Variants in POLE4 observed in about 807,000 individuals in gnomAD.
POLE4 encodes DNA polymerase epsilon subunit 4.
Under a neutral mutation model 15.6 loss-of-function variants are expected in POLE4, and 15 were observed. The observed-to-expected ratio is 0.96, with a 90% confidence interval of 0.64 to 1.48. The LOEUF is 1.48. POLE4 is among the 40% of genes most tolerant of loss of function. The pLI is 0.00. For synonymous variants in POLE4, 83 were observed against 63.2 expected (o/e 1.31, Z -1.49); for missense variants, 205 against 151.9 (o/e 1.35, Z -1.84).
chr2:74,962,870 GT>G (rs1436733601), intron 3 of POLE4, among the ~76,000 whole-genome samples: 1 of 151,976 alleles, frequency 6.6e-6, no homozygotes, highest in Non-Finnish European at 1.5e-5. Flanking sequence ...GTTTAGTTTT[GT>G]TTTGTTGAAC....
rs1671164452 is a variant in POLE4, at chr2:74,958,795, C to G, written c.116C>G (p.Ser39Trp). ...APTSVPGARL[S>W]RLPLARVKAL... ...ACGAGTGTGCCTGGGGCTCGTCTCTCGAGGTTGCCTCTGGCGCGAGTGAAG... is the reference window on the plus strand; with the variant it reads ...ACGAGTGTGCCTGGGGCTCGTCTCTGGAGGTTGCCTCTGGCGCGAGTGAAG... Residue 39 changes from serine (S) to tryptophan (W), a missense_variant, in exon 1 of 4, where the codon TCG (serine) becomes TGG (tryptophan). Physicochemically the swap from Ser to Trp is radical, Grantham distance 177. Coordinates refer to ENST00000483063, the MANE Select transcript of POLE4 (RefSeq NM_019896.4). 8 of 1,552,694 alleles carry G rather than the reference C, an allele frequency of 5.2e-6. No individual in the cohort carries two copies. Among genetic ancestry groups the G allele is most frequent in the African/African-American group, 1.4e-5 (1 of 73,186 alleles).
At chr2:74,961,204 A>G (rs1220434663) in intron 3 of POLE4, 3 of 152,172 alleles carry the variant, frequency 2.0e-5, no homozygotes, top group African/African-American at 7.2e-5. Context: ...AAGCCTTATT[A>G]CCTTTAGAAA....
chr2:74,965,308 G>A (rs995599323), intron 3 of POLE4, among the ~76,000 whole-genome samples: 10 of 151,912 alleles, frequency 6.6e-5, no homozygotes, highest in African/African-American at 2.4e-4. Flanking sequence ...GGTCAGGCTG[G>A]TCTTGAACTC....
chr2:74,963,642 C>T (rs1340412415), intron 3 of POLE4, among the ~76,000 whole-genome samples: 1 of 152,046 alleles, frequency 6.6e-6, no homozygotes, highest in Non-Finnish European at 1.5e-5. Context: ...CGTGTACCAC[C>T]ACGCCTGGCT....
At chr2:74,959,166 C>G (rs929895611) in intron 1 of POLE4, 175 bp from the exon 2 acceptor site, 4 of 617,366 alleles carry the variant, frequency 6.5e-6, no homozygotes, top group African/African-American at 1.9e-5. Flanking sequence ...AGGGAGAATA[C>G]TGGGAAGAGG....
intron 3 of POLE4, among the ~76,000 whole-genome samples, chr2:74,965,090 ATTTT>A (rs35849174): frequency 4.0e-5 from 5 of 124,900 alleles, no homozygotes; most frequent in Non-Finnish European, 3.4e-5. Context: ...CTTTTTATCT[ATTTT>A]TTTTTTTTTT....
intron 3 of POLE4, among the ~76,000 whole-genome samples, chr2:74,968,856 C>T (rs1671327595): frequency 6.6e-6 from 1 of 151,924 alleles, no homozygotes; most frequent in Non-Finnish European, 1.5e-5. Context: ...TCATTCTAGG[C>T]TCCTTTTTCC....
At chr2:74,959,991 A>T in intron 2 of POLE4, 114 bp from the exon 3 acceptor site, 1 of 795,184 alleles carries the variant, frequency 1.3e-6, no homozygotes. Flanking sequence ...GACGCATCTT[A>T]TAAATGCCCT....
At chr2:74,965,334 C>A (rs1441037949) in intron 3 of POLE4, among the ~76,000 whole-genome samples, 1 of 152,034 alleles carries the variant, frequency 6.6e-6, no homozygotes, top group East Asian at 1.9e-4. Context: ...CTCAGGTGTT[C>A]AAGGTCCACC....
chr2:74,966,636 C>G (rs542881732), intron 3 of POLE4, among the ~76,000 whole-genome samples: 3 of 152,196 alleles, frequency 2.0e-5, no homozygotes, highest in Non-Finnish European at 4.4e-5. Context: ...AACTCCTGAC[C>G]TCAAGTCATC....
chr2:74,959,031 AG>A, intron 1 of POLE4, 139 bp downstream of exon 1: 1 of 757,966 alleles, frequency 1.3e-6, no homozygotes, highest in Non-Finnish European at 2.1e-6. Flanking sequence ...GGCGGAGGAA[AG>A]GGGCCGGGGA....
chr2:74,960,236 T>C (rs1321762586), intron 3 of POLE4, 90 bp downstream of exon 3: 12 of 1,100,608 alleles, frequency 1.1e-5, no homozygotes, highest in Non-Finnish European at 1.7e-5. Context: ...TGCCTGCTTC[T>C]TGTTTGTGTA....
intron 3 of POLE4, among the ~76,000 whole-genome samples, chr2:74,962,049 C>T (rs1417772855): frequency 6.6e-6 from 1 of 152,142 alleles, no homozygotes; most frequent in Non-Finnish European, 1.5e-5. Flanking sequence ...ACGTTTATTT[C>T]TAACTAATAT....
intron 3 of POLE4, among the ~76,000 whole-genome samples, chr2:74,963,985 C>T (rs1244968227): frequency 6.6e-6 from 1 of 152,122 alleles, no homozygotes; most frequent in Non-Finnish European, 1.5e-5. Context: ...GTCATGAAGA[C>T]ATTCTGTATA....
At chr2:74,963,322 T>C (rs779587357) in intron 3 of POLE4, among the ~76,000 whole-genome samples, 7 of 152,190 alleles carry the variant, frequency 4.6e-5, no homozygotes, top group African/African-American at 9.7e-5. Context: ...CAAGCTGTTA[T>C]TGAATGTAAG....
At chr2:74,960,934 A>T (rs1448471991) in intron 3 of POLE4, 3 of 226,838 alleles carry the variant, frequency 1.3e-5, no homozygotes, top group Admixed American at 4.8e-5. Flanking sequence ...TGCCTACAGT[A>T]TTCAGTACAG....
chr2:74,958,796 G>A lies in POLE4; in HGVS notation c.117G>A (p.Ser39=). The A allele has an allele frequency of 6.4e-7, 1 of 1,552,860 alleles. No individual in the cohort carries two copies. The highest frequency in any genetic ancestry group is 1.2e-5 in the South Asian group (1 of 84,202). ...CGAGTGTGCCTGGGGCTCGTCTCTCGAGGTTGCCTCTGGCGCGAGTGAAGG... is the reference window on the plus strand; with the variant it reads ...CGAGTGTGCCTGGGGCTCGTCTCTCAAGGTTGCCTCTGGCGCGAGTGAAGG... ...APTSVPGARL[S]RLPLARVKAL... The change falls in exon 1 of 4, where the codon TCG becomes TCA. Residue 39 remains serine (S), a synonymous_variant. Transcript: ENST00000483063.
rs545666156 is a variant in POLE4 at position 74,967,609 on chromosome 2, T to G, written c.341-1800T>G. Among the ~76,000 whole-genome samples the G allele has an allele frequency of 2.6e-5, 4 of 152,368 alleles. No individual in the cohort carries two copies. The South Asian group carries it at 6.2e-4, about 24-fold the overall frequency. On this transcript the variant is annotated intron_variant, in intron 3 of 3. Transcript: ENST00000483063. ...TAGTCTGTGCCGAATCTAACATCCATAGTCTCTTGAGACTGTCTTTTTGTC... is the reference window on the plus strand; with the variant it reads ...TAGTCTGTGCCGAATCTAACATCCAGAGTCTCTTGAGACTGTCTTTTTGTC...
intron 3 of POLE4, among the ~76,000 whole-genome samples, chr2:74,961,777 C>G (rs1671223991): frequency 6.6e-6 from 1 of 152,128 alleles, no homozygotes; most frequent in Non-Finnish European, 1.5e-5. Context: ...GTAATTGAAT[C>G]CCTTTGCTCT....
Sources: gnomAD v4.1 joint callset for allele counts (sites outside exome capture counted in the v4.1 genomes callset) on GRCh38, gnomAD v4.1.1 for gene constraint, MANE v1.5 for transcripts, NCBI Gene and HGNC (gene_info 2026-07-23, HGNC 2026-07-21) for gene names.